Variants in AVEN observed in about 807,000 individuals in gnomAD.
AVEN encodes the protein apoptosis and caspase activation inhibitor.
In AVEN, 41 loss-of-function variants were observed where a neutral mutation model predicts 38.1. That is an observed-to-expected ratio of 1.08 (90% CI 0.84 to 1.40). The LOEUF is 1.40. Ranked by LOEUF, AVEN falls within the 40% of genes most tolerant of loss-of-function variation. The probability of loss-of-function intolerance (pLI) is 0.00; values close to 1 mark genes in which losing one functional copy is unlikely to be tolerated. For missense variants in AVEN, 605 were observed against 438.8 expected, an observed-to-expected ratio of 1.38 and a Z score of -3.38; for synonymous variants, 206 against 171.8, an observed-to-expected ratio of 1.20 and a Z score of -1.56.
intron 1 of AVEN, among the ~76,000 whole-genome samples, chr15:34,004,653 G>C (rs1209745084): frequency 1.3e-5 from 2 of 152,126 alleles, no homozygotes; most frequent in Admixed American, 6.5e-5. Flanking sequence ...TGGATGAAAA[G>C]ATAGGACATG....
At chr15:34,070,480 G>C (rs1900604087) in intron 2 of AVEN, among the ~76,000 whole-genome samples, 1 of 151,024 alleles carries the variant, frequency 6.6e-6, no homozygotes, top group South Asian at 2.1e-4. Context: ...AATATCTACT[G>C]ACTTTCTACC....
At chr15:33,899,460 CTTTTTTTTTTTT>C (rs533788693) in intron 2 of AVEN, among the ~76,000 whole-genome samples, 6 of 65,438 alleles carry the variant, frequency 9.2e-5, no homozygotes, top group Admixed American at 6.9e-4. Context: ...CAGGGAAAAC[CTTTTTTTTTTTT>C]TTTTTTTTTT....
rs1198735210 is a variant in AVEN, at chr15:33,875,991, G to C, written c.450C>G (p.Asp150Glu). ...CAGCAAACCGGAACTGTGAGAATGA[G>C]TCCCCTAGGAATAGGAAAAAAAAAA... ...DFSVLLSSAG[D>E]SFSQFRFAEE... The change falls in exon 3 of 6, where the codon GAC becomes GAG. Residue 150 changes from aspartate (D) to glutamate (E), a missense_variant. Transcript: ENST00000306730. 4 of 1,611,228 alleles carry C rather than the reference G, an allele frequency of 2.5e-6. No homozygotes were observed. The highest frequency in any genetic ancestry group is 4.5e-5 in the East Asian group (2 of 44,844).
intron 2 of AVEN, among the ~76,000 whole-genome samples, chr15:33,952,065 G>C (rs1345703633): frequency 6.6e-6 from 1 of 152,080 alleles, no homozygotes; most frequent in South Asian, 2.1e-4. Context: ...GATTATTCAG[G>C]GTTTATGTGG....
intron 4 of AVEN, among the ~76,000 whole-genome samples, chr15:33,870,247 C>T (rs757342067): frequency 6.6e-6 from 1 of 152,172 alleles, no homozygotes; most frequent in Non-Finnish European, 1.5e-5. Flanking sequence ...GTACAACAGC[C>T]TCCCCATGTG....
chr15:33,861,860 G>C (rs1888355699), downstream of AVEN, among the ~76,000 whole-genome samples: 1 of 151,996 alleles, frequency 6.6e-6, no homozygotes, highest in Admixed American at 6.5e-5. Context: ...CCTGACCTCA[G>C]GTGATCTGCC....
chr15:34,033,967 T>C (rs1357113966), intron 1 of AVEN, among the ~76,000 whole-genome samples: 5 of 152,174 alleles, frequency 3.3e-5, no homozygotes, highest in Non-Finnish European at 7.3e-5. Flanking sequence ...TTTGTATCTT[T>C]AGTAGAGAGG....
intron 1 of AVEN, among the ~76,000 whole-genome samples, chr15:34,017,495 T>TG (rs1897979160): frequency 1.8e-5 from 2 of 108,380 alleles, no homozygotes; most frequent in Non-Finnish European, 4.6e-5. Flanking sequence ...TTTTTTTTTT[T>TG]TTTTTGAGAC....
At chr15:33,942,672 C>T (rs565562969) in intron 2 of AVEN, among the ~76,000 whole-genome samples, 14 of 152,164 alleles carry the variant, frequency 9.2e-5, no homozygotes, top group South Asian at 2.1e-4. Context: ...AGGATGGTCT[C>T]GATCTCCTGA....
rs183937937 is a variant in AVEN at position 33,985,621 on chromosome 15, T to C, written c.445+17411A>G. Among the ~76,000 whole-genome samples, 19 of 152,020 alleles carry C rather than the reference T, an allele frequency of 1.2e-4. No homozygotes were observed. The East Asian group carries it at 3.3e-3, about 26-fold the overall frequency. On this transcript the variant is annotated intron_variant, in intron 2 of 5. Transcript: ENST00000306730. Reference sequence around the variant, plus strand: ...CACTGCAATTCAGCTCTCCCAACAATATTCTGAAAGGCAGGCACTGTGTTG... The same window carrying C: ...CACTGCAATTCAGCTCTCCCAACAACATTCTGAAAGGCAGGCACTGTGTTG...
At chr15:33,940,186 G>A (rs1365409405) in intron 2 of AVEN, among the ~76,000 whole-genome samples, 3 of 152,146 alleles carry the variant, frequency 2.0e-5, no homozygotes, top group East Asian at 1.9e-4. Flanking sequence ...AAGCTATGAC[G>A]CATTTTTTGT....
At chr15:33,929,367 T>C (rs999384526) in intron 2 of AVEN, among the ~76,000 whole-genome samples, 7 of 152,126 alleles carry the variant, frequency 4.6e-5, no homozygotes, top group Non-Finnish European at 1.0e-4. Flanking sequence ...ATATTTTGAG[T>C]AACAATTTCA....
rs972309419 is a variant in AVEN, at chr15:33,964,071, T to C, written c.445+38961A>G. On this transcript the variant is annotated intron_variant, in intron 2 of 5. Transcript: ENST00000306730. ...CACGTTCAAATGTTAGTGTCCCCAC[T>C]AGCCTACAGGGTTCTTAGGGTCTAA... 7.4e-5 allele frequency among the ~76,000 whole-genome samples: 11 copies of C among 148,666 alleles called. No individual in the cohort carries two copies. The East Asian group carries it at 1.2e-3, about 16-fold the overall frequency.
intron 2 of AVEN, among the ~76,000 whole-genome samples, chr15:33,961,540 G>A (rs973720399): frequency 1.8e-4 from 28 of 151,826 alleles, no homozygotes; most frequent in East Asian, 1.4e-3. Context: ...TGCACTGGGT[G>A]AGGTGGCTCA....
intron 3 of AVEN, among the ~76,000 whole-genome samples, chr15:33,873,417 G>T (rs992511134): frequency 6.7e-6 from 1 of 148,330 alleles, no homozygotes; most frequent in Non-Finnish European, 1.5e-5. Flanking sequence ...ATTGTCTTGC[G>T]TCACTGGTCA....
intron 2 of AVEN, among the ~76,000 whole-genome samples, chr15:33,944,809 G>GAAAAA (rs530925637): frequency 7.5e-6 from 1 of 134,178 alleles, no homozygotes. Context: ...ACTCAGTCTC[G>GAAAAA]AAAAAAAAAA....
chr15:33,872,394 C>T (rs117119200), intron 3 of AVEN, among the ~76,000 whole-genome samples: 4,932 of 152,272 alleles, frequency 0.032, 156 homozygotes, highest in Non-Finnish European at 0.039. Flanking sequence ...TTCAATCAGA[C>T]TATTACATCC....
At chr15:34,027,145 G>A (rs1040677307) in intron 1 of AVEN, among the ~76,000 whole-genome samples, 6 of 152,204 alleles carry the variant, frequency 3.9e-5, no homozygotes, top group Admixed American at 2.6e-4. Context: ...AGTCCAAGGA[G>A]TGTTTATTTA....
intron 2 of AVEN, among the ~76,000 whole-genome samples, chr15:33,988,717 G>A (rs769540812): frequency 1.1e-4 from 16 of 152,238 alleles, no homozygotes; most frequent in South Asian, 2.1e-4. Flanking sequence ...TAGAATTATC[G>A]CAAAATTAAA....
Sources: allele counts gnomAD v4.1 joint callset (sites outside exome capture counted in the v4.1 genomes callset), GRCh38; gene constraint gnomAD v4.1.1; transcripts MANE v1.5; gene names NCBI Gene and HGNC (gene_info 2026-07-23, HGNC 2026-07-21).